GIT2: variants seen among roughly 807,000 people sequenced by gnomAD.
GIT2 encodes the protein ARF GTPase-activating protein GIT2.
In GIT2, 32 loss-of-function variants were observed where a neutral mutation model predicts 100.3. The ratio of observed to expected loss-of-function variants is 0.32; its 90% CI spans 0.24 to 0.43. The LOEUF is 0.43. Ranked by LOEUF, GIT2 falls within the 20% of genes least tolerant of loss-of-function variation. The pLI is 1.00. For synonymous variants in GIT2, 353 were observed against 364.1 expected (o/e 0.97, Z 0.35); for missense variants, 737 against 975.1 (o/e 0.76, Z 3.25).
intron 13 of GIT2, among the ~76,000 whole-genome samples, chr12:109,951,579 T>A (rs1454671615): frequency 6.6e-6 from 1 of 152,250 alleles, no homozygotes; most frequent in Non-Finnish European, 1.5e-5. Context: ...AGGAGGTCTG[T>A]CCTGTCTTGT....
chr12:109,991,319 A>C, intron 2 of GIT2, among the ~76,000 whole-genome samples: 1 of 152,122 alleles, frequency 6.6e-6, no homozygotes, highest in East Asian at 1.9e-4. Flanking sequence ...CAAAAAAAAA[A>C]AAAAAACATT....
Position 109,938,367 on chromosome 12 carries a change from C to A in GIT2, c.2003+13G>T. The A allele has an allele frequency of 6.3e-7, 1 of 1,598,250 alleles. No homozygotes were observed. Among genetic ancestry groups the A allele is most frequent in the Non-Finnish European group, 8.6e-7 (1 of 1,168,498 alleles). ...TCATGCTCTCCCAAAGCAGGGTCTT[C>A]AATCCTGCTTACCTGTCATGTTTAT... On this transcript the variant is annotated intron_variant, in intron 18 of 19. Transcript: ENST00000355312.
intron 1 of GIT2, among the ~76,000 whole-genome samples, chr12:109,993,783 A>G (rs1380535158): frequency 1.3e-5 from 2 of 152,100 alleles, no homozygotes; most frequent in East Asian, 3.8e-4. Context: ...TGACCACTCT[A>G]CTACTGTACT....
At position 109,981,138 on chromosome 12, in the gene GIT2, G is replaced by A. The variant is rs1252890853; in HGVS notation, c.624-92C>T. The A allele has an allele frequency of 4.9e-6, 4 of 817,184 alleles. No homozygotes were observed. The East Asian group carries it at 9.7e-5, about 20-fold the overall frequency. 50.6% of individuals were successfully genotyped at this position (817,184 alleles called of 1,614,324 possible). On this transcript the variant is annotated intron_variant, in intron 6 of 19. Transcript: ENST00000355312. ...AGACGTCTCCTGAGACACCTGAGCAGTTTATCACACAAGACTTTTGAGAAT... is the reference window on the plus strand; with the variant it reads ...AGACGTCTCCTGAGACACCTGAGCAATTTATCACACAAGACTTTTGAGAAT...
chr12:109,951,092 A>G, intron 14 of GIT2, 75 bp downstream of exon 14: 2 of 1,305,800 alleles, frequency 1.5e-6, no homozygotes, highest in South Asian at 2.4e-5. Flanking sequence ...CTCGGACCAC[A>G]TCACAGTGCC....
rs1251299294 is a variant in GIT2 at position 109,932,643 on chromosome 12, A to G, written c.*335T>C. On this transcript the variant is annotated 3_prime_UTR_variant, in exon 20 of 20. Coordinates refer to ENST00000355312, the MANE Select transcript of GIT2 (RefSeq NM_057169.5). ...TATGAAAAATTTCATTTATAGTTTCAGCCATAGGCAGGGAGTTTTAAGGGA... is the reference window on the plus strand; with the variant it reads ...TATGAAAAATTTCATTTATAGTTTCGGCCATAGGCAGGGAGTTTTAAGGGA... 5.6e-6 allele frequency: 1 copy of G among 179,842 alleles called. No individual in the cohort carries two copies. The highest frequency in any genetic ancestry group is 2.4e-5 in the African/African-American group (1 of 42,298). 11.1% of individuals were successfully genotyped at this position (179,842 alleles called of 1,614,324 possible).
intron 2 of GIT2, 43 bp downstream of exon 2, chr12:109,991,584 A>C: frequency 6.5e-7 from 1 of 1,540,328 alleles, no homozygotes; most frequent in Non-Finnish European, 8.9e-7. Context: ...GATGAGCCCT[A>C]AAATGTAAAT....
chr12:109,992,889 C>T (rs1888682834), intron 1 of GIT2, among the ~76,000 whole-genome samples: 2 of 151,920 alleles, frequency 1.3e-5, no homozygotes, highest in Admixed American at 6.6e-5. Context: ...CCAGACTGGT[C>T]TCAAACTCCT....
upstream of GIT2, among the ~76,000 whole-genome samples, chr12:109,996,636 C>A (rs570731555): frequency 6.6e-6 from 1 of 152,386 alleles, no homozygotes; most frequent in South Asian, 2.1e-4. Context: ...TTCATTCATT[C>A]ATTCCTTGAT....
At chr12:109,973,233 C>T (rs1376704415) in intron 7 of GIT2, among the ~76,000 whole-genome samples, 1 of 152,100 alleles carries the variant, frequency 6.6e-6, no homozygotes, top group African/African-American at 2.4e-5. Flanking sequence ...CTCTGCCTCC[C>T]AGGTTTAAGC....
chr12:109,950,353 GTTAAGTA>G (rs1299829809), intron 14 of GIT2, among the ~76,000 whole-genome samples: 1 of 152,204 alleles, frequency 6.6e-6, no homozygotes, highest in East Asian at 1.9e-4. Context: ...TTTGTTTCTG[GTTAAGTA>G]AAGTGTCCAA....
chr12:109,940,919 A>G (rs1242272359), intron 16 of GIT2, among the ~76,000 whole-genome samples: 2 of 113,896 alleles, frequency 1.8e-5, no homozygotes, highest in African/African-American at 3.5e-5. Flanking sequence ...ACCAAAAAGA[A>G]AAAAAAAAAA....
At position 109,948,608 on chromosome 12, in the gene GIT2, TGGTGTGA is replaced by T; in HGVS notation, c.1393-1111_1393-1105del. ...CCATGGACATTCTATAAGCTGGGTG[TGGTGTGA>T]GTTCAGCTGTCTACTCTTTGACAGA... On this transcript the variant is annotated intron_variant, in intron 14 of 19. Coordinates refer to ENST00000355312, the MANE Select transcript of GIT2 (RefSeq NM_057169.5). This position sits in a 1 kb window ranked among gnomAD's most constrained non-coding sequence, Gnocchi z 4.3. 6 of 1,409,318 alleles carry T rather than the reference TGGTGTGA, an allele frequency of 4.3e-6. No homozygotes were observed. The highest frequency in any genetic ancestry group is 5.5e-6 in the Non-Finnish European group (6 of 1,089,794). 87.3% of individuals were successfully genotyped at this position (1,409,318 alleles called of 1,614,324 possible).
At chr12:109,956,587 G>T (rs1296666426) in intron 12 of GIT2, among the ~76,000 whole-genome samples, 1 of 152,134 alleles carries the variant, frequency 6.6e-6, no homozygotes, top group Admixed American at 6.5e-5. Context: ...GCAAGTAGAT[G>T]AATTTGTAAA....
chr12:109,999,829 G>T, upstream of GIT2: 1 of 1,474,624 alleles, frequency 6.8e-7, no homozygotes, highest in South Asian at 1.3e-5. The surrounding 1 kb of genome is among the most constrained non-coding windows in gnomAD (Gnocchi z 4.3). Flanking sequence ...GGACTTCGGG[G>T]AATCGGGGGT....
intron 9 of GIT2, among the ~76,000 whole-genome samples, chr12:109,963,663 A>G (rs1039619343): frequency 6.6e-6 from 1 of 152,214 alleles, no homozygotes; most frequent in African/African-American, 2.4e-5. Context: ...TCAGTTCTTC[A>G]TCAGGAGGGA....
rs151278142 is a variant in GIT2 at position 109,964,594 on chromosome 12, A to G, written c.816+932T>C. Among the ~76,000 whole-genome samples the G allele has an allele frequency of 6.9e-3, 1,015 of 146,392 alleles. 2 individuals carry two copies. Among genetic ancestry groups the G allele is most frequent in the Non-Finnish European group, 9.6e-3 (639 of 66,712 alleles). On this transcript the variant is annotated intron_variant, in intron 9 of 19. Coordinates refer to ENST00000355312, the MANE Select transcript of GIT2 (RefSeq NM_057169.5). ...GGAAGAGGACTTGAATGTGCAGCTC[A>G]TGGCCTCAGAGGGTGTTAATCTAAA... is the stretch of plus-strand genomic sequence containing the variant.
At chr12:109,971,115 A>T (rs770950930) in intron 7 of GIT2, among the ~76,000 whole-genome samples, 2 of 152,106 alleles carry the variant, frequency 1.3e-5, no homozygotes, top group Non-Finnish European at 2.9e-5. Context: ...CAGCATGTCT[A>T]TGTCTAATAA....
At chr12:109,958,457 G>C (rs1409965482) in intron 12 of GIT2, among the ~76,000 whole-genome samples, 2 of 151,850 alleles carry the variant, frequency 1.3e-5, no homozygotes, top group East Asian at 3.9e-4. Context: ...TGGCCAGGCT[G>C]ATCTCAAACT....
Sources: gnomAD v4.1 joint callset for allele counts (sites outside exome capture counted in the v4.1 genomes callset) on GRCh38, gnomAD v4.1.1 for gene constraint, Gnocchi (gnomAD v3.1) non-coding constraint, MANE v1.5 for transcripts, NCBI Gene and HGNC (gene_info 2026-07-23, HGNC 2026-07-21) for gene names.